NR3C2: variants seen among roughly 807,000 people sequenced by gnomAD.
NR3C2 encodes the protein mineralocorticoid receptor.
A neutral mutation model predicts 86.4 loss-of-function variants in NR3C2; 15 were observed. The ratio of observed to expected loss-of-function variants is 0.17; its 90% CI spans 0.12 to 0.27. The LOEUF (loss-of-function observed/expected upper bound fraction) is 0.27, where lower values mean the gene tolerates loss of function less well. Ranked by LOEUF, NR3C2 falls within the 10% of genes least tolerant of loss-of-function variation. The pLI, the probability that NR3C2 is intolerant of heterozygous loss-of-function variation, is 1.00. For synonymous variants in NR3C2, 458 were observed against 450.5 expected (o/e 1.02, Z -0.21); for missense variants, 960 against 1,195.6 (o/e 0.80, Z 2.91).
At chr4:148,171,279 G>T (rs956696876) in intron 4 of NR3C2, among the ~76,000 whole-genome samples, 2 of 152,166 alleles carry the variant, frequency 1.3e-5, no homozygotes. Context: ...GCCAATTTAA[G>T]TGCACAATTA....
chr4:148,348,161 A>G (rs1745091382), intron 2 of NR3C2, among the ~76,000 whole-genome samples: 1 of 152,108 alleles, frequency 6.6e-6, no homozygotes, highest in Non-Finnish European at 1.5e-5. Flanking sequence ...TGCAATGCTC[A>G]TCTCAGAGCA....
chr4:148,187,927 C>G lies in NR3C2; in HGVS notation c.2014+6819G>C, dbSNP rs568450163. Among the ~76,000 whole-genome samples the G allele has an allele frequency of 3.2e-4, 48 of 152,296 alleles. No individual in the cohort carries two copies. The South Asian group carries it at 9.5e-3, about 30-fold the overall frequency. ...TGAGGGATGAGGATCCAGTTTCATT[C>G]TCCTACGTGTGGCCAGGCAATTATC... On this transcript the variant is annotated intron_variant, in intron 4 of 8. Transcript: ENST00000358102.
intron 3 of NR3C2, among the ~76,000 whole-genome samples, chr4:148,205,059 A>G (rs61758888): frequency 2.1e-4 from 32 of 152,306 alleles, no homozygotes; most frequent in Middle Eastern, 3.4e-3. Flanking sequence ...GCTTCAAACT[A>G]TTTGTTAAGA....
chr4:148,194,466 C>A (rs1736348801), intron 4 of NR3C2, among the ~76,000 whole-genome samples: 2 of 152,084 alleles, frequency 1.3e-5, no homozygotes, highest in African/African-American at 2.4e-5. Context: ...AAAAGTCATT[C>A]ATTTTTGTTT....
chr4:148,311,758 G>A (rs1453881587), intron 2 of NR3C2, among the ~76,000 whole-genome samples: 2 of 152,186 alleles, frequency 1.3e-5, no homozygotes, highest in Non-Finnish European at 2.9e-5. Context: ...TCACCTCACT[G>A]CCAATTACAC....
At chr4:148,309,393 C>A (rs1248093124) in intron 2 of NR3C2, among the ~76,000 whole-genome samples, 1 of 152,120 alleles carries the variant, frequency 6.6e-6, no homozygotes, top group Non-Finnish European at 1.5e-5. Flanking sequence ...AAGAGACACA[C>A]ATGCACATGG....
intron 2 of NR3C2, among the ~76,000 whole-genome samples, chr4:148,350,305 T>C (rs1410489281): frequency 2.0e-5 from 3 of 152,206 alleles, no homozygotes; most frequent in Admixed American, 2.0e-4. Flanking sequence ...TGTTGCTGAA[T>C]ATGGGAATTT....
intron 2 of NR3C2, among the ~76,000 whole-genome samples, chr4:148,324,331 CTG>C (rs374839889): frequency 0.14 from 19,431 of 141,698 alleles, 1,374 homozygotes; most frequent in Middle Eastern, 0.32. Flanking sequence ...TAATATTCCT[CTG>C]TGTGTGTGTG....
intron 8 of NR3C2, among the ~76,000 whole-genome samples, chr4:148,103,789 T>G (rs1334468940): frequency 6.6e-6 from 1 of 152,130 alleles, no homozygotes; most frequent in African/African-American, 2.4e-5. Flanking sequence ...CCTTTCTACC[T>G]CTACGCGGAG....
At chr4:148,322,983 T>C (rs1743705678) in intron 2 of NR3C2, among the ~76,000 whole-genome samples, 1 of 150,572 alleles carries the variant, frequency 6.6e-6, no homozygotes, top group East Asian at 2.0e-4. Context: ...AGTTTTTCTG[T>C]TCTGTTTTTT....
intron 2 of NR3C2, among the ~76,000 whole-genome samples, chr4:148,276,160 T>C (rs138673441): frequency 1.3e-5 from 2 of 152,242 alleles, no homozygotes; most frequent in East Asian, 1.9e-4. Flanking sequence ...AGTCTTAATA[T>C]GTTTGACCCT....
At chr4:148,255,576 T>G (rs1430505487) in intron 3 of NR3C2, among the ~76,000 whole-genome samples, 2 of 152,228 alleles carry the variant, frequency 1.3e-5, no homozygotes, top group East Asian at 3.8e-4. Flanking sequence ...CTTAAACAAT[T>G]TAAATCCAGT....
intron 6 of NR3C2, among the ~76,000 whole-genome samples, chr4:148,145,847 TGGAAATCTCAGGA>T (rs1393815946): frequency 6.6e-6 from 1 of 151,500 alleles, no homozygotes; most frequent in African/African-American, 2.4e-5. Context: ...AAAAAAACAA[TGGAAATCTCAGGA>T]GGAGGTTTCT....
intron 6 of NR3C2, among the ~76,000 whole-genome samples, chr4:148,123,357 C>T (rs1470269475): frequency 6.6e-6 from 1 of 152,184 alleles, no homozygotes. Context: ...TGCCCTTTGC[C>T]TTGTGATCTT....
intron 6 of NR3C2, among the ~76,000 whole-genome samples, chr4:148,150,805 A>G (rs1303512539): frequency 6.6e-6 from 1 of 152,222 alleles, no homozygotes; most frequent in Non-Finnish European, 1.5e-5. Flanking sequence ...CTGACTTGAT[A>G]TATCTATGAT....
intron 3 of NR3C2, among the ~76,000 whole-genome samples, chr4:148,231,739 G>T (rs1237370518): frequency 6.6e-6 from 1 of 152,124 alleles, no homozygotes; most frequent in Non-Finnish European, 1.5e-5. Context: ...TCTGTAGCAT[G>T]TAATACAGAA....
chr4:148,437,016 C>T (rs144736170), intron 1 of NR3C2, among the ~76,000 whole-genome samples, 154 bp from the exon 2 acceptor site: 2 of 152,248 alleles, frequency 1.3e-5, no homozygotes, highest in East Asian at 3.9e-4. Context: ...TTTTTGGATG[C>T]TGACATAACA....
intron 4 of NR3C2, among the ~76,000 whole-genome samples, chr4:148,168,317 G>GTTTTAGTA (rs1442321392): frequency 6.6e-6 from 1 of 152,178 alleles, no homozygotes; most frequent in African/African-American, 2.4e-5. Flanking sequence ...TCAATTCAAG[G>GTTTTAGTA]TTTTAGTACC....
At chr4:148,093,732 G>A (rs1731157696) in intron 8 of NR3C2, among the ~76,000 whole-genome samples, 1 of 152,140 alleles carries the variant, frequency 6.6e-6, no homozygotes, top group South Asian at 2.1e-4. Flanking sequence ...GTGAATATGG[G>A]AAAATGACCT....
Sources: allele counts gnomAD v4.1 joint callset (sites outside exome capture counted in the v4.1 genomes callset), GRCh38; gene constraint gnomAD v4.1.1; transcripts MANE v1.5; gene names NCBI Gene and HGNC (gene_info 2026-07-23, HGNC 2026-07-21).